The following POLR2F variants were observed in gnomAD, a reference collection of about 807,000 sequenced individuals.
POLR2F encodes the protein DNA-directed RNA polymerases I, II, and III subunit RPABC2.
POLR2F carries 12 observed loss-of-function variants against 22.7 expected under a neutral mutation model. The ratio of observed to expected loss-of-function variants is 0.53; its 90% confidence interval spans 0.34 to 0.86. The LOEUF (loss-of-function observed/expected upper bound fraction) is 0.86. Ranked by LOEUF, POLR2F falls within the 40% of genes least tolerant of loss-of-function variation. The pLI, the probability that POLR2F is intolerant of heterozygous loss-of-function variation, is 0.02. For missense variants in POLR2F, 126 were observed against 171.5 expected (o/e 0.73, Z 1.48); for synonymous variants, 57 against 66.0 (o/e 0.86, Z 0.66).
chr22:37,993,822 T>C (rs1372184926), intron 1 of POLR2F, among the ~76,000 whole-genome samples: 1 of 152,136 alleles, frequency 6.6e-6, no homozygotes, highest in Non-Finnish European at 1.5e-5. Context: ...ACCCCGTCTC[T>C]ACTAAAAATA....
Position 37,953,762 on chromosome 22 carries a change from A to G in POLR2F, c.-26A>G. The G allele has an allele frequency of 6.2e-7, 1 of 1,605,764 alleles. No individual in the cohort carries two copies. Among genetic ancestry groups the G allele is most frequent in the Non-Finnish European group, 8.5e-7 (1 of 1,178,050 alleles). On this transcript the variant is annotated 5_prime_UTR_variant, in exon 1 of 5. Coordinates refer to ENST00000442738, the MANE Select transcript of POLR2F (RefSeq NM_021974.5). ...GGGTCTCCGCGCGGGACCGGGGCGC[A>G]GCGGGGTCGCTGAGGCGAGGGTGTC...
chr22:38,004,422 C>T (rs1235512875), intron 1 of POLR2F, among the ~76,000 whole-genome samples: 1 of 152,158 alleles, frequency 6.6e-6, no homozygotes. Context: ...GTGGTAATAA[C>T]ACCCTTGCCA....
intron 5 of POLR2F, among the ~76,000 whole-genome samples, chr22:38,038,787 T>TC (rs1191847816): frequency 2.3e-5 from 1 of 43,184 alleles, no homozygotes; most frequent in Non-Finnish European, 4.9e-5. Flanking sequence ...AACTCCCTCC[T>TC]CCCCCCGCCG....
chr22:38,004,715 C>T (rs890703001), intron 1 of POLR2F, among the ~76,000 whole-genome samples: 4 of 152,172 alleles, frequency 2.6e-5, no homozygotes, highest in Admixed American at 6.5e-5. Flanking sequence ...GGGGCCAAGT[C>T]GGGCAGATCA....
At chr22:38,033,355 C>T (rs797008467) in intron 5 of POLR2F, among the ~76,000 whole-genome samples, 3 of 152,104 alleles carry the variant, frequency 2.0e-5, no homozygotes, top group African/African-American at 4.8e-5. Context: ...TTGTCCAGGG[C>T]GGCCTGCTAG....
intron 1 of POLR2F, chr22:37,988,997 C>T (rs1932664647): frequency 6.6e-6 from 1 of 152,248 alleles, no homozygotes; most frequent in South Asian, 2.1e-4. Context: ...AGAAGCTACC[C>T]TGTGGGTCTT....
In POLR2F at chr22:37,977,879, C is replaced by T. The variant is rs1242782386; in HGVS notation, c.293+10709C>T. On this transcript the variant is annotated intron_variant, in intron 4 of 4. Coordinates refer to the POLR2F transcript ENST00000405557. ...CATCAGCACTCACCTGAGGGGTGCTCGGGGTTCCCATCTGACATGGGGGAG... is the reference window on the plus strand; with the variant it reads ...CATCAGCACTCACCTGAGGGGTGCTTGGGGTTCCCATCTGACATGGGGGAG... The T allele has an allele frequency of 1.9e-6, 3 of 1,611,422 alleles. No homozygotes were observed. The highest frequency in any genetic ancestry group is 1.1e-5 in the South Asian group (1 of 90,950).
chr22:38,028,119 C>A (rs1380420079), downstream of POLR2F, among the ~76,000 whole-genome samples: 1 of 152,134 alleles, frequency 6.6e-6, no homozygotes, highest in Non-Finnish European at 1.5e-5. Context: ...ACTGACCGCC[C>A]CTTTTGACAT....
At chr22:37,957,157 G>A (rs1036673299) in intron 2 of POLR2F, among the ~76,000 whole-genome samples, 14 of 152,220 alleles carry the variant, frequency 9.2e-5, no homozygotes, top group African/African-American at 3.4e-4. Context: ...TTTCTGCTGG[G>A]TGGGACTGCT....
At chr22:38,014,083 T>C (rs796297335) in intron 1 of POLR2F, among the ~76,000 whole-genome samples, 18 of 148,146 alleles carry the variant, frequency 1.2e-4, no homozygotes, top group African/African-American at 4.0e-4. Context: ...TATCACGCCA[T>C]TGCACTCCAG....
upstream of POLR2F, chr22:37,983,313 C>A: frequency 6.4e-7 from 1 of 1,570,752 alleles, no homozygotes; most frequent in Non-Finnish European, 8.6e-7. The surrounding 1 kb of genome is among the most constrained non-coding windows in gnomAD (Gnocchi z 9.5). Flanking sequence ...CTGAATCCAC[C>A]CGAAGCTAGA....
chr22:38,041,445 A>G, downstream of POLR2F: 1 of 340,130 alleles, frequency 2.9e-6, no homozygotes, highest in Non-Finnish European at 5.5e-6. Context: ...CTCATGGGGC[A>G]AGTGGAAGGC....
downstream of POLR2F, chr22:38,041,273 C>T (rs1212743484): frequency 1.1e-6 from 1 of 941,310 alleles, no homozygotes; most frequent in Non-Finnish European, 1.6e-6. Flanking sequence ...AGGGAGGTTT[C>T]CAGGACACCC....
intron 3 of POLR2F, among the ~76,000 whole-genome samples, chr22:37,965,435 C>T (rs1452304964): frequency 6.6e-6 from 1 of 152,234 alleles, no homozygotes; most frequent in Admixed American, 6.5e-5. Context: ...CTGTAGAAGC[C>T]ATGGTGCAAG....
chr22:37,982,848 C>T (rs908286120), upstream of POLR2F, among the ~76,000 whole-genome samples: 10 of 152,270 alleles, frequency 6.6e-5, no homozygotes, highest in South Asian at 4.1e-4. Flanking sequence ...AGATTTGTCC[C>T]GCAGTTCTTC....
intron 1 of POLR2F, among the ~76,000 whole-genome samples, chr22:37,996,713 C>T (rs1300150787): frequency 3.9e-5 from 6 of 152,288 alleles, no homozygotes; most frequent in East Asian, 1.9e-4. Context: ...GCTGTGTGAC[C>T]TTGGGTGGGG....
downstream of POLR2F, chr22:38,041,567 C>G (rs568284950): frequency 1.3e-5 from 2 of 158,002 alleles, no homozygotes; most frequent in Non-Finnish European, 2.8e-5. Flanking sequence ...TGCATCCTTA[C>G]GTTAACTCAT....
At chr22:38,038,814 G>A (rs1282999533) in intron 5 of POLR2F, among the ~76,000 whole-genome samples, 4 of 151,200 alleles carry the variant, frequency 2.6e-5, no homozygotes, top group African/African-American at 7.3e-5. Context: ...GCACCCCGGG[G>A]CTGCGCGCTG....
intron 1 of POLR2F, among the ~76,000 whole-genome samples, chr22:38,021,732 C>T (rs1023529203): frequency 6.6e-6 from 1 of 151,672 alleles, no homozygotes; most frequent in Admixed American, 6.6e-5. Flanking sequence ...ACCGGGATTA[C>T]AGGCGTGAGC....
Sources: gnomAD v4.1 joint callset for allele counts (sites outside exome capture counted in the v4.1 genomes callset) on GRCh38, gnomAD v4.1.1 for gene constraint, Gnocchi (gnomAD v3.1) non-coding constraint, MANE v1.5 for transcripts, NCBI Gene and HGNC (gene_info 2026-07-23, HGNC 2026-07-21) for gene names.